PTPRT: variants seen among roughly 807,000 people sequenced by gnomAD.
The protein encoded by PTPRT is receptor-type tyrosine-protein phosphatase T.
In PTPRT, 56 loss-of-function variants were observed where a neutral mutation model predicts 176.8. That is an observed-to-expected ratio of 0.32 (90% confidence interval 0.26 to 0.40). The LOEUF is 0.40. Ranked by LOEUF, PTPRT falls within the 10% of genes least tolerant of loss-of-function variation. The pLI is 1.00. For missense variants in PTPRT, 1,540 were observed against 1,908.2 expected (o/e 0.81, Z 3.60); for synonymous variants, 783 against 739.0 (o/e 1.06, Z -0.96).
chr20:43,011,773 A>T (rs118019062), intron 1 of PTPRT, among the ~76,000 whole-genome samples: 6,359 of 152,324 alleles, frequency 0.042, 180 homozygotes, highest in Non-Finnish European at 0.062. Context: ...GGAGATCAAC[A>T]TAAGTCAGTG....
chr20:42,392,757 A>T (rs1334953333), intron 9 of PTPRT, among the ~76,000 whole-genome samples: 1 of 152,208 alleles, frequency 6.6e-6, no homozygotes, highest in African/African-American at 2.4e-5. Context: ...GGTGGAATTC[A>T]CATGGAAAAG....
chr20:42,035,694 G>A, the PTPRT span, among the ~76,000 whole-genome samples: 3 of 152,172 alleles, frequency 2.0e-5, no homozygotes, highest in South Asian at 6.2e-4. Context: ...CAGGATAGAA[G>A]TTGGGTACTA....
At chr20:42,552,527 T>A (rs2072787916) in intron 7 of PTPRT, among the ~76,000 whole-genome samples, 1 of 152,100 alleles carries the variant, frequency 6.6e-6, no homozygotes, top group Admixed American at 6.5e-5. Flanking sequence ...ACAATTTAGA[T>A]GAATATAAAA....
chr20:43,109,322 T>C (rs2012759111), intron 1 of PTPRT, among the ~76,000 whole-genome samples: 1 of 152,108 alleles, frequency 6.6e-6, no homozygotes, highest in Admixed American at 6.6e-5. Context: ...TGCTGATTGC[T>C]TGGATGGAAA....
chr20:42,365,322 A>G (rs1187947718), intron 9 of PTPRT, among the ~76,000 whole-genome samples: 1 of 152,152 alleles, frequency 6.6e-6, no homozygotes, highest in Non-Finnish European at 1.5e-5. Flanking sequence ...ACCTCCTAAG[A>G]AATGTATTTA....
chr20:42,673,938 C>CT (rs1289634902), intron 7 of PTPRT, among the ~76,000 whole-genome samples: 2 of 152,030 alleles, frequency 1.3e-5, no homozygotes, highest in Non-Finnish European at 2.9e-5. Context: ...TATGTTTTAC[C>CT]TTTTTTTGCT....
chr20:42,076,988 G>A lies in PTPRT; in HGVS notation c.*3891C>T, dbSNP rs542631884. The A allele has an allele frequency of 5.3e-4, 102 of 191,772 alleles. No individual in the cohort carries two copies. Among genetic ancestry groups the A allele is most frequent in the South Asian group, 9.7e-4 (5 of 5,146 alleles). The allele number at this position is 191,772 out of a possible 1,614,324, so 11.9% of individuals were successfully genotyped here. A position where few individuals can be genotyped will look rare whatever the true frequency, so the allele number is the denominator to read the frequency against. On this transcript the variant is annotated 3_prime_UTR_variant, in exon 31 of 31. Transcript: ENST00000373187. ...ATTGTCTCTGTAGTGAGAAAAAACC[G>A]GTTTAAATCCTGGTTCATTCACTCA... is the stretch of plus-strand genomic sequence containing the variant.
chr20:42,438,049 G>A (rs116300555), intron 9 of PTPRT, among the ~76,000 whole-genome samples: 1 of 152,292 alleles, frequency 6.6e-6, no homozygotes, highest in African/African-American at 2.4e-5. Flanking sequence ...AAGGACCACA[G>A]CAGCCAGGGA....
intron 6 of PTPRT, among the ~76,000 whole-genome samples, chr20:42,729,144 T>C (rs1600670188): frequency 6.6e-6 from 1 of 152,054 alleles, no homozygotes; most frequent in East Asian, 1.9e-4. Context: ...AGGTTGACAC[T>C]GAAAGAAGGC....
chr20:43,120,149 A>G (rs2013205269), intron 1 of PTPRT, among the ~76,000 whole-genome samples: 1 of 152,138 alleles, frequency 6.6e-6, no homozygotes, highest in Non-Finnish European at 1.5e-5. Context: ...CACACTTTCA[A>G]CACCCACAAT....
intron 1 of PTPRT, among the ~76,000 whole-genome samples, chr20:43,100,672 T>C (rs2012360464): frequency 6.6e-6 from 1 of 152,148 alleles, no homozygotes; most frequent in Non-Finnish European, 1.5e-5. Flanking sequence ...ACGGCTCTCA[T>C]CTCCAGGCCC....
At chr20:42,082,418 G>A (rs118010736) in intron 29 of PTPRT, among the ~76,000 whole-genome samples, 4,967 of 152,260 alleles carry the variant, frequency 0.033, 102 homozygotes, top group South Asian at 0.055. Context: ...GCTGATGCTT[G>A]CATCCATGTC....
chr20:42,652,978 G>C, intron 7 of PTPRT, among the ~76,000 whole-genome samples: 1 of 152,136 alleles, frequency 6.6e-6, no homozygotes, highest in East Asian at 1.9e-4. Context: ...GAAGTCCTGT[G>C]CTCTGTACTG....
At chr20:42,631,206 G>A (rs1350219332) in intron 7 of PTPRT, among the ~76,000 whole-genome samples, 3 of 152,258 alleles carry the variant, frequency 2.0e-5, no homozygotes, top group Admixed American at 6.5e-5. Context: ...TAACACTGGC[G>A]AGAGTGGGGT....
At chr20:42,784,904 T>G (rs890411542) in intron 3 of PTPRT, among the ~76,000 whole-genome samples, 2 of 152,230 alleles carry the variant, frequency 1.3e-5, no homozygotes, top group African/African-American at 4.8e-5. Flanking sequence ...GGAGCTGTGA[T>G]CTGAAGTACA....
chr20:42,243,956 A>C (rs933620114), intron 14 of PTPRT, among the ~76,000 whole-genome samples: 2 of 152,230 alleles, frequency 1.3e-5, no homozygotes, highest in Non-Finnish European at 2.9e-5. Flanking sequence ...TGCCATTAGC[A>C]TATTAGTAAC....
rs1983824537 is a variant in PTPRT, at chr20:42,085,742, A to G, written c.3958T>C (p.Cys1320Arg). ...CGTGTACTTACCCGGGCCATGTTAC[A>G]GATGCGGAATATTCTGTGGATGATG... ...EDIIHRIFRI[C>R]NMARPQDGYR... The change falls in exon 28 of 31, where the codon TGT (cysteine) becomes CGT (arginine). Residue 1320 changes from cysteine to arginine, a missense_variant. This residue lies in a region of PTPRT where 342 missense variants were observed against 394.0 expected (regional missense o/e 0.87). Coordinates refer to ENST00000373187, the MANE Select transcript of PTPRT (RefSeq NM_007050.6). 1 of 1,613,962 alleles carries G rather than the reference A, an allele frequency of 6.2e-7. No individual in the cohort carries two copies. The highest frequency in any genetic ancestry group is 8.5e-7 in the Non-Finnish European group (1 of 1,179,996).
intron 11 of PTPRT, among the ~76,000 whole-genome samples, chr20:42,348,639 A>T (rs977340867): frequency 1.3e-5 from 2 of 152,154 alleles, no homozygotes; most frequent in Non-Finnish European, 2.9e-5. Flanking sequence ...GTAGTGTTAT[A>T]TATAGAGACA....
intron 15 of PTPRT, among the ~76,000 whole-genome samples, chr20:42,208,180 G>A (rs1179423555): frequency 2.7e-5 from 3 of 109,516 alleles, no homozygotes; most frequent in Middle Eastern, 4.0e-3. Context: ...ACCAGCTGCT[G>A]CAAAATCATG....
Sources: allele counts gnomAD v4.1 joint callset (sites outside exome capture counted in the v4.1 genomes callset), GRCh38; gene constraint gnomAD v4.1.1; regional missense constraint gnomAD v4.1.1; transcripts MANE v1.5; gene names NCBI Gene and HGNC (gene_info 2026-07-23, HGNC 2026-07-21).